Variants in RGS10 observed in about 807,000 individuals in gnomAD.
RGS10 encodes regulator of G protein signaling 10, also known as regulator of G-protein signalling 10.
In RGS10, 11 loss-of-function variants were observed where a neutral mutation model predicts 23.5. That is an observed-to-expected ratio of 0.47 (90% confidence interval 0.29 to 0.77). The LOEUF is 0.77. Among genes scored for constraint, RGS10 ranks in the 30% least tolerant of loss-of-function variants. RGS10 has a pLI of 0.08. For synonymous variants in RGS10, 77 were observed against 83.2 expected (o/e 0.92, Z 0.41); for missense variants, 180 against 226.3 (o/e 0.80, Z 1.31).
intron 4 of RGS10, among the ~76,000 whole-genome samples, chr10:119,511,770 G>A (rs1201614349): frequency 2.0e-5 from 3 of 152,090 alleles, no homozygotes; most frequent in East Asian, 1.9e-4. Flanking sequence ...CCCATGGTGC[G>A]GCGTGTGGCA....
rs1844255872 is a variant in RGS10, at chr10:119,524,881, G to A, written c.255+1151C>T. Among the ~76,000 whole-genome samples the A allele has an allele frequency of 6.6e-6, 1 of 152,140 alleles. No homozygotes were observed. The highest frequency in any genetic ancestry group is 1.5e-5 in the Non-Finnish European group (1 of 68,036). Reference sequence around the variant, plus strand: ...AAGGCCGCGCTGCGCCATCCAGGAGGATGGGTGTCTGCGCCCGGAAAGGCC... The same window carrying A: ...AAGGCCGCGCTGCGCCATCCAGGAGAATGGGTGTCTGCGCCCGGAAAGGCC... On this transcript the variant is annotated intron_variant, in intron 3 of 4. Transcript: ENST00000369103. This position sits in a 1 kb window ranked among gnomAD's most constrained non-coding sequence, Gnocchi z 5.2.
rs573921555 is a variant in RGS10 at position 119,538,433 on chromosome 10, G to A, written c.49+4157C>T. ...TCAAGCATGGAGGGTGGGAGGCAGC[G>A]AGGCCTAGAAGGGTGGGTCTGTTGG... On this transcript the variant is annotated intron_variant, in intron 1 of 4. Coordinates refer to ENST00000369103, the MANE Select transcript of RGS10 (RefSeq NM_001005339.2). This position sits in a 1 kb window ranked among gnomAD's most constrained non-coding sequence, Gnocchi z 4.5. 4.6e-5 allele frequency among the ~76,000 whole-genome samples: 7 copies of A among 152,332 alleles called. No homozygotes were observed. Among genetic ancestry groups the A allele is most frequent in the African/African-American group, 1.4e-4 (6 of 41,586 alleles).
rs1242459041 is a variant in RGS10, at chr10:119,517,624, G to C, written c.256-1972C>G. ...TGAGCAAACTCCATGCAGAGGTCTG[G>C]GGGCAGAAATCACTTTAGACCTCCC... On this transcript the variant is annotated intron_variant, in intron 3 of 4. Transcript: ENST00000369103. The surrounding 1 kb of genome is among the most constrained non-coding windows in gnomAD (Gnocchi z 5.0). Among the ~76,000 whole-genome samples the C allele has an allele frequency of 2.6e-5, 4 of 152,194 alleles. No homozygotes were observed. The highest frequency in any genetic ancestry group is 5.9e-5 in the Non-Finnish European group (4 of 68,038).
intron 3 of RGS10, among the ~76,000 whole-genome samples, chr10:119,519,613 C>T (rs1225804022): frequency 9.3e-6 from 1 of 107,140 alleles, no homozygotes; most frequent in Non-Finnish European, 1.9e-5. Flanking sequence ...CAGCTCCTGT[C>T]TCCCTGTATC....
chr10:119,525,302 C>G (rs538248980), intron 3 of RGS10, among the ~76,000 whole-genome samples: 1 of 152,188 alleles, frequency 6.6e-6, no homozygotes, highest in South Asian at 2.1e-4. Context: ...CCTGAACCAC[C>G]AGCTGCAGCC....
At position 119,527,232 on chromosome 10, in the gene RGS10, C is replaced by T. The variant is rs2133956764; in HGVS notation, c.168+74G>A. The T allele has an allele frequency of 9.4e-7, 1 of 1,061,944 alleles. No homozygotes were observed. 65.8% of individuals were successfully genotyped at this position (1,061,944 alleles called of 1,614,324 possible). ...CGCTGACAGACAATGTTGAACTGGC[C>T]TATTTCTCCCCTGTGTGCATCTGAA... On this transcript the variant is annotated intron_variant, in intron 2 of 4. Coordinates refer to ENST00000369103, the MANE Select transcript of RGS10 (RefSeq NM_001005339.2). The surrounding 1 kb of genome is among the most constrained non-coding windows in gnomAD (Gnocchi z 4.2).
At chr10:119,506,542 G>A (rs1432603863) in intron 4 of RGS10, among the ~76,000 whole-genome samples, 4 of 152,234 alleles carry the variant, frequency 2.6e-5, no homozygotes, top group Admixed American at 6.5e-5. Flanking sequence ...CGGATTGTCC[G>A]CTTTTTTCTA....
chr10:119,518,214 C>T (rs1366622163), intron 3 of RGS10, among the ~76,000 whole-genome samples: 2 of 152,238 alleles, frequency 1.3e-5, no homozygotes, highest in Non-Finnish European at 2.9e-5. Context: ...TTCTCTTCCA[C>T]GGCCCTGACA....
chr10:119,506,499 G>A (rs917817324), intron 4 of RGS10, among the ~76,000 whole-genome samples: 4 of 152,216 alleles, frequency 2.6e-5, no homozygotes, highest in African/African-American at 9.6e-5. Context: ...CCAAGCTCAC[G>A]GGTTCACGCG....
chr10:119,501,663 C>T (rs1843954594), intron 4 of RGS10, among the ~76,000 whole-genome samples: 2 of 151,970 alleles, frequency 1.3e-5, no homozygotes, highest in Admixed American at 6.6e-5. Flanking sequence ...GCAAAGGCTG[C>T]AGTGAGCTGA....
chr10:119,542,361 C>G (rs986558747), intron 1 of RGS10, among the ~76,000 whole-genome samples: 3 of 152,254 alleles, frequency 2.0e-5, no homozygotes, highest in Non-Finnish European at 4.4e-5. Flanking sequence ...TGCGGCTGTT[C>G]CTCTTTCAGC....
chr10:119,504,911 C>T (rs758190268), intron 4 of RGS10, among the ~76,000 whole-genome samples: 7 of 152,172 alleles, frequency 4.6e-5, no homozygotes, highest in Non-Finnish European at 8.8e-5. Context: ...ATTTTCAATC[C>T]GTTTCTGCTG....
At chr10:119,520,935 T>C (rs1446215875) in intron 3 of RGS10, among the ~76,000 whole-genome samples, 2 of 151,920 alleles carry the variant, frequency 1.3e-5, no homozygotes, top group African/African-American at 2.4e-5. Context: ...GTTACTAAAA[T>C]GATGATAACA....
At chr10:119,537,068 G>A (rs1844395011) in intron 1 of RGS10, among the ~76,000 whole-genome samples, 1 of 152,192 alleles carries the variant, frequency 6.6e-6, no homozygotes, top group South Asian at 2.1e-4. Context: ...GCTAAGGGTA[G>A]AGGGCACAGA....
intron 4 of RGS10, among the ~76,000 whole-genome samples, 174 bp from the exon 5 acceptor site, chr10:119,500,433 T>G (rs1843940118): frequency 6.6e-6 from 1 of 152,080 alleles, no homozygotes; most frequent in African/African-American, 2.4e-5. Context: ...TCCTGGAGAT[T>G]TTTGGTCATT....
At chr10:119,533,565 C>T (rs900224150) in intron 1 of RGS10, among the ~76,000 whole-genome samples, 3 of 152,168 alleles carry the variant, frequency 2.0e-5, no homozygotes, top group African/African-American at 7.2e-5. Context: ...CTTCTGGTAC[C>T]TGGATCCACA....
intron 4 of RGS10, among the ~76,000 whole-genome samples, chr10:119,501,123 C>T (rs1221253668): frequency 1.3e-5 from 2 of 152,184 alleles, no homozygotes; most frequent in African/African-American, 2.4e-5. Flanking sequence ...GCCATCTGCC[C>T]TCCTCCCTTG....
At chr10:119,505,144 G>A (rs904242545) in intron 4 of RGS10, among the ~76,000 whole-genome samples, 3 of 151,932 alleles carry the variant, frequency 2.0e-5, no homozygotes, top group Non-Finnish European at 2.9e-5. Flanking sequence ...TGAACAACAC[G>A]GTCAGACTCC....
intron 4 of RGS10, among the ~76,000 whole-genome samples, chr10:119,507,714 A>T (rs1360043832): frequency 6.6e-6 from 1 of 151,162 alleles, no homozygotes. Flanking sequence ...ACTCCCAAGT[A>T]GCTGGGATTA....
Sources: allele counts gnomAD v4.1 joint callset (sites outside exome capture counted in the v4.1 genomes callset), GRCh38; gene constraint gnomAD v4.1.1; non-coding constraint Gnocchi (gnomAD v3.1); transcripts MANE v1.5; gene names NCBI Gene and HGNC (gene_info 2026-07-23, HGNC 2026-07-21).